The following RMDN1 variants were observed in gnomAD, a reference collection of about 807,000 sequenced individuals.
The protein encoded by RMDN1 is regulator of microtubule dynamics 1, also known as regulator of microtubule dynamics protein 1.
Under a neutral mutation model 48.9 loss-of-function variants are expected in RMDN1, and 48 were observed. The observed-to-expected ratio is 0.98, with a 90% confidence interval of 0.78 to 1.25. The LOEUF is 1.25. Among genes scored for constraint, RMDN1 ranks in the 50% most tolerant of loss-of-function variants. The probability of loss-of-function intolerance (pLI) is 0.00; values close to 1 mark genes in which losing one functional copy is unlikely to be tolerated. For synonymous variants in RMDN1, 148 were observed against 132.6 expected (o/e 1.12, Z -0.80); for missense variants, 418 against 373.4 (o/e 1.12, Z -0.98).
intron 8 of RMDN1, among the ~76,000 whole-genome samples, chr8:86,476,231 A>C (rs1293097547): frequency 1.3e-5 from 2 of 152,210 alleles, no homozygotes; most frequent in Non-Finnish European, 2.9e-5. Context: ...AATCTGTTAA[A>C]AAAAGTCATC....
intron 2 of RMDN1, chr8:86,504,016 G>A: frequency 1.3e-6 from 1 of 784,222 alleles, no homozygotes; most frequent in Non-Finnish European, 2.4e-6. Flanking sequence ...AGAGATCTCA[G>A]CTACTGCCCT....
chr8:86,479,048 T>C (rs1359800136), intron 6 of RMDN1, 38 bp from the exon 7 acceptor site: 1 of 1,440,994 alleles, frequency 6.9e-7, no homozygotes, highest in Non-Finnish European at 9.8e-7. Flanking sequence ...ATTCAAATTG[T>C]ACCTTCTTTT....
intron 8 of RMDN1, among the ~76,000 whole-genome samples, chr8:86,476,661 A>T (rs1024707785): frequency 1.3e-5 from 2 of 152,202 alleles, no homozygotes; most frequent in African/African-American, 4.8e-5. Flanking sequence ...GCTGAATAGC[A>T]GAATTCCCAT....
At chr8:86,484,278 G>T (rs1301121307) in intron 5 of RMDN1, among the ~76,000 whole-genome samples, 1 of 151,980 alleles carries the variant, frequency 6.6e-6, no homozygotes, top group African/African-American at 2.4e-5. Flanking sequence ...AACAAGTGAG[G>T]AGAAACTCTC....
At position 86,507,065 on chromosome 8, in the gene RMDN1, A is replaced by C. The variant is rs764700050; in HGVS notation, c.177T>G (p.Ala59=). The change falls in exon 2 of 10, where the codon GCT becomes GCG. Residue 59 remains alanine, a synonymous_variant. Transcript: ENST00000406452. ...GTFKRGLLLS[A]LSYLGFETYQ... ...AAGTTTCAAAACCCAAATACGACAA[A>C]GCTGAGAGTAAAAGGCCTCTTTTGA... The C allele has an allele frequency of 1.9e-6, 3 of 1,613,296 alleles. No individual in the cohort carries two copies. The African/African-American group carries it at 4.0e-5, about 22-fold the overall frequency.
At chr8:86,506,377 G>T (rs1314630964) in intron 2 of RMDN1, among the ~76,000 whole-genome samples, 2 of 152,018 alleles carry the variant, frequency 1.3e-5, no homozygotes, top group Non-Finnish European at 2.9e-5. Context: ...TTGCCTTTAG[G>T]GTCATGCCAT....
intron 9 of RMDN1, 81 bp downstream of exon 9, chr8:86,474,739 T>A: frequency 7.9e-7 from 1 of 1,268,840 alleles, no homozygotes; most frequent in Non-Finnish European, 1.1e-6. Flanking sequence ...TTTAGAAAAT[T>A]ATGCTTTTAA....
chr8:86,469,439 T>C (rs1011460786), downstream of RMDN1, among the ~76,000 whole-genome samples: 19 of 152,176 alleles, frequency 1.2e-4, no homozygotes, highest in African/African-American at 4.3e-4. Flanking sequence ...TGGAAAACTC[T>C]TGTAACTGTA....
intron 9 of RMDN1, 158 bp downstream of exon 9, chr8:86,474,662 A>T (rs1290235901): frequency 1.2e-6 from 1 of 803,944 alleles, no homozygotes; most frequent in Non-Finnish European, 2.1e-6. Flanking sequence ...TATTTCCTAT[A>T]TAGAAATATA....
At chr8:86,509,040 A>C (rs1022484596), upstream of RMDN1, among the ~76,000 whole-genome samples, 1 of 152,204 alleles carries the variant, frequency 6.6e-6, no homozygotes, top group African/African-American at 2.4e-5. Flanking sequence ...TGCTGCCTTC[A>C]AAAGTAGATT....
chr8:86,478,816 A>G (rs1813840644), intron 7 of RMDN1, 107 bp downstream of exon 7: 1 of 831,012 alleles, frequency 1.2e-6, no homozygotes, highest in Non-Finnish European at 2.1e-6. Context: ...ATCATTAGAA[A>G]TTGCTCAAGT....
intron 2 of RMDN1, among the ~76,000 whole-genome samples, chr8:86,489,153 T>A (rs536845234): frequency 6.6e-6 from 1 of 152,190 alleles, no homozygotes. Context: ...TGTTAGTAAT[T>A]TGCATGAACC....
At chr8:86,469,834 A>G (rs1812395392), downstream of RMDN1, among the ~76,000 whole-genome samples, 1 of 152,214 alleles carries the variant, frequency 6.6e-6, no homozygotes, top group Admixed American at 6.5e-5. Flanking sequence ...TTCTCAACCA[A>G]GAACAAAATC....
At chr8:86,475,644 T>C (rs1219398233) in intron 8 of RMDN1, among the ~76,000 whole-genome samples, 1 of 152,124 alleles carries the variant, frequency 6.6e-6, no homozygotes, top group Non-Finnish European at 1.5e-5. Context: ...AACATGGAAT[T>C]ATCTCACCAA....
chr8:86,503,119 C>T (rs1194710950), intron 2 of RMDN1, among the ~76,000 whole-genome samples: 12 of 151,934 alleles, frequency 7.9e-5, no homozygotes, highest in African/African-American at 2.7e-4. Flanking sequence ...TTTGGGAGGC[C>T]GAGGCGGCCA....
At chr8:86,482,663 C>A in intron 5 of RMDN1, 2 of 827,162 alleles carry the variant, frequency 2.4e-6, no homozygotes, top group Non-Finnish European at 4.3e-6. Context: ...TGAGCGCAGT[C>A]GGAAAAAGAC....
chr8:86,484,680 T>TG (rs907341223), intron 5 of RMDN1, 192 bp downstream of exon 5: 27 of 392,278 alleles, frequency 6.9e-5, no homozygotes, highest in African/African-American at 5.1e-4. Context: ...ATAGCACCAT[T>TG]GCACTCTAGC....
At chr8:86,508,458 A>C (rs1233822260) in intron 1 of RMDN1, 34 bp downstream of exon 1, 1 of 1,534,750 alleles carries the variant, frequency 6.5e-7, no homozygotes, top group Non-Finnish European at 8.8e-7. Context: ...ACTGAGTAGG[A>C]AGTGAGGAGC....
chr8:86,480,777 A>C (rs1814256713), intron 5 of RMDN1, among the ~76,000 whole-genome samples: 1 of 152,078 alleles, frequency 6.6e-6, no homozygotes, highest in African/African-American at 2.4e-5. Flanking sequence ...GAAAAAATGT[A>C]ATTTTAGAAA....
Sources: gnomAD v4.1 joint callset for allele counts (sites outside exome capture counted in the v4.1 genomes callset) on GRCh38, gnomAD v4.1.1 for gene constraint, MANE v1.5 for transcripts, NCBI Gene and HGNC (gene_info 2026-07-23, HGNC 2026-07-21) for gene names.